The following ADCY9 variants were observed in gnomAD, a reference collection of about 807,000 sequenced individuals.
The protein encoded by ADCY9 is adenylate cyclase type 9.
A neutral mutation model predicts 101.5 loss-of-function variants in ADCY9; 50 were observed. That is an observed-to-expected ratio of 0.49 (90% CI 0.39 to 0.62). The LOEUF (loss-of-function observed/expected upper bound fraction) is 0.62, where lower values mean the gene tolerates loss of function less well. Among genes scored for constraint, ADCY9 ranks in the 20% least tolerant of loss-of-function variants. The pLI, the probability that ADCY9 is intolerant of heterozygous loss-of-function variation, is 0.00. For synonymous variants in ADCY9, 905 were observed against 769.3 expected (o/e 1.18, Z -2.92); for missense variants, 1,662 against 1,800.4 (o/e 0.92, Z 1.39).
chr16:4,033,792 G>C (rs918225723), intron 2 of ADCY9, among the ~76,000 whole-genome samples: 1 of 152,130 alleles, frequency 6.6e-6, no homozygotes, highest in Non-Finnish European at 1.5e-5. Context: ...TCCTGTGAAG[G>C]CTTAAGCAAT....
Position 4,019,532 on chromosome 16 carries a change from C to G in ADCY9, c.1694-11974G>C. Among the ~76,000 whole-genome samples, 3 of 152,328 alleles carry G rather than the reference C, an allele frequency of 2.0e-5. 1 individual carries two copies. The South Asian group carries it at 6.2e-4, about 32-fold the overall frequency. ...AGAGGAGGGGACAAAGGCTGGGTCC[C>G]CGGCCATCAACAAACGGAGAGCTAG... On this transcript the variant is annotated intron_variant, in intron 2 of 10. Transcript: ENST00000294016.
intron 2 of ADCY9, among the ~76,000 whole-genome samples, chr16:4,023,494 G>T (rs975153339): frequency 6.6e-6 from 1 of 152,224 alleles, no homozygotes; most frequent in Non-Finnish European, 1.5e-5. Flanking sequence ...GATCAGCATG[G>T]AAAGGACGGT....
intron 2 of ADCY9, among the ~76,000 whole-genome samples, chr16:4,056,340 C>T (rs373025728): frequency 5.3e-4 from 81 of 152,246 alleles, no homozygotes; most frequent in African/African-American, 1.8e-3. Context: ...CTGTAACCTC[C>T]GCTCCCGGGC....
At chr16:4,037,464 G>A (rs556898969) in intron 2 of ADCY9, among the ~76,000 whole-genome samples, 41 of 152,120 alleles carry the variant, frequency 2.7e-4, no homozygotes, top group African/African-American at 8.9e-4. Flanking sequence ...CCATCCATTC[G>A]ATGATGGCCA....
At chr16:4,086,202 A>C (rs1392674198) in intron 2 of ADCY9, among the ~76,000 whole-genome samples, 1 of 152,014 alleles carries the variant, frequency 6.6e-6, no homozygotes, top group Non-Finnish European at 1.5e-5. Context: ...ACAAAGCTGG[A>C]AGGGAGGTCA....
At position 4,007,406 on chromosome 16, in the gene ADCY9, C is replaced by T; in HGVS notation, c.1846G>A (p.Asp616Asn). ...QGTASSGNVSDLAQTVKTFDN... is the reference protein window; with the variant it reads ...QGTASSGNVSNLAQTVKTFDN... ...AAGGTTTTGACAGTCTGCGCCAAGT[C>T]ACTGACATTCCCTGATGACGCTGTC... Residue 616 changes from aspartate (D) to asparagine (N), a missense_variant, in exon 3 of 11, where the codon GAC becomes AAC. Physicochemically the swap from Asp to Asn is conservative, Grantham distance 23. Around this residue, in one of 5 missense-constraint regions of ADCY9, gnomAD observed 624 missense variants for 639.1 expected, o/e 0.98. Coordinates refer to ENST00000294016, the MANE Select transcript of ADCY9 (RefSeq NM_001116.4). 6.2e-7 allele frequency: 1 copy of T among 1,601,826 alleles called. No homozygotes were observed. Among genetic ancestry groups the T allele is most frequent in the Non-Finnish European group, 8.5e-7 (1 of 1,176,550 alleles).
intron 6 of ADCY9, among the ~76,000 whole-genome samples, chr16:3,985,627 T>C (rs2056185617): frequency 1.3e-5 from 2 of 152,178 alleles, no homozygotes; most frequent in South Asian, 4.1e-4. Context: ...CCACGTGGGC[T>C]GCCGTCCTTC....
chr16:4,002,538 T>C (rs1358617979), intron 3 of ADCY9, among the ~76,000 whole-genome samples: 4 of 152,114 alleles, frequency 2.6e-5, no homozygotes, highest in African/African-American at 9.7e-5. Flanking sequence ...GACTGGTCCA[T>C]GTAGAAACAC....
chr16:4,078,450 C>T (rs1457336303), intron 2 of ADCY9, among the ~76,000 whole-genome samples: 3 of 151,490 alleles, frequency 2.0e-5, no homozygotes, highest in African/African-American at 7.3e-5. Flanking sequence ...GTAGTCCCAG[C>T]TACTTGGGAG....
chr16:4,020,586 C>T (rs1220572708), intron 2 of ADCY9, among the ~76,000 whole-genome samples: 1 of 152,120 alleles, frequency 6.6e-6, no homozygotes, highest in Non-Finnish European at 1.5e-5. Flanking sequence ...CTTTGAGAGG[C>T]TGAGGCGGGT....
chr16:4,026,799 A>T (rs926972146), intron 2 of ADCY9, among the ~76,000 whole-genome samples: 1 of 152,202 alleles, frequency 6.6e-6, no homozygotes, highest in East Asian at 1.9e-4. Context: ...GCAAAACTAC[A>T]GGGAATGGAT....
chr16:3,969,966 G>T (rs188009436), intron 10 of ADCY9, among the ~76,000 whole-genome samples: 1 of 151,908 alleles, frequency 6.6e-6, no homozygotes, highest in Non-Finnish European at 1.5e-5. Context: ...TTTGTCCATC[G>T]TCCTGCCATC....
chr16:4,017,029 TG>T (rs1282836440), intron 2 of ADCY9, among the ~76,000 whole-genome samples: 2 of 152,118 alleles, frequency 1.3e-5, no homozygotes, highest in Admixed American at 6.6e-5. Flanking sequence ...CTGGGTGTGG[TG>T]GTGCATTTCT....
At chr16:4,105,769 T>G (rs1359314986) in intron 2 of ADCY9, among the ~76,000 whole-genome samples, 1 of 151,320 alleles carries the variant, frequency 6.6e-6, no homozygotes, top group Non-Finnish European at 1.5e-5. Context: ...ATCATCTGAG[T>G]GCAGGAGGTC....
intron 6 of ADCY9, 117 bp from the exon 7 acceptor site, chr16:3,983,557 G>A: frequency 3.6e-6 from 3 of 835,912 alleles, no homozygotes; most frequent in Non-Finnish European, 5.8e-6. Flanking sequence ...CCAGGCACAG[G>A]GCAGGAAGGC....
chr16:4,091,064 A>T lies in ADCY9; in HGVS notation c.1693+22686T>A, dbSNP rs1395746522. 2.0e-5 allele frequency among the ~76,000 whole-genome samples: 3 copies of T among 151,460 alleles called. No homozygotes were observed. The East Asian group carries it at 5.9e-4, about 30-fold the overall frequency. On this transcript the variant is annotated intron_variant, in intron 2 of 10. Coordinates refer to ENST00000294016, the MANE Select transcript of ADCY9 (RefSeq NM_001116.4). ...GGGTCTTCATATAAGTTCCTATTTT[A>T]TTATTTTATTTTATTTTATTATTTT...
intron 2 of ADCY9, among the ~76,000 whole-genome samples, chr16:4,080,485 G>C (rs2056894870): frequency 6.6e-6 from 1 of 152,010 alleles, no homozygotes; most frequent in Non-Finnish European, 1.5e-5. Flanking sequence ...TCAAACTCTT[G>C]GCCTCAAGAG....
At chr16:3,977,071 A>C (rs900663390) in intron 9 of ADCY9, among the ~76,000 whole-genome samples, 3 of 152,180 alleles carry the variant, frequency 2.0e-5, no homozygotes, top group African/African-American at 7.2e-5. Flanking sequence ...CCACTCAAGG[A>C]AAGTCAGCAC....
At chr16:4,058,136 G>C (rs1239311571) in intron 2 of ADCY9, among the ~76,000 whole-genome samples, 25 of 145,476 alleles carry the variant, frequency 1.7e-4, no homozygotes, top group Non-Finnish European at 3.0e-4. Context: ...TCCAGCCTGA[G>C]TGACAGAGTG....
Sources: allele counts gnomAD v4.1 joint callset (sites outside exome capture counted in the v4.1 genomes callset), GRCh38; gene constraint gnomAD v4.1.1; regional missense constraint gnomAD v4.1.1; transcripts MANE v1.5; gene names NCBI Gene and HGNC (gene_info 2026-07-23, HGNC 2026-07-21).